PPP1R14C: variants seen among roughly 807,000 people sequenced by gnomAD.
PPP1R14C encodes protein phosphatase 1 regulatory inhibitor subunit 14C, also known as protein phosphatase 1 regulatory subunit 14C.
Under a neutral mutation model 20.4 loss-of-function variants are expected in PPP1R14C, and 16 were observed. The ratio of observed to expected loss-of-function variants is 0.78; its 90% CI spans 0.53 to 1.19. The LOEUF is 1.19. PPP1R14C is among the 50% of genes most tolerant of loss of function. The pLI is 0.00. For missense variants in PPP1R14C, 211 were observed against 220.1 expected, an observed-to-expected ratio of 0.96 and a Z score of 0.26; for synonymous variants, 91 against 91.0, an observed-to-expected ratio of 1.00 and a Z score of 0.00.
intron 3 of PPP1R14C, 78 bp from the exon 4 acceptor site, chr6:150,248,668 A>G: frequency 1.7e-5 from 16 of 937,690 alleles, no homozygotes; most frequent in Non-Finnish European, 2.8e-5. Flanking sequence ...TGCAGTTGAC[A>G]TCAATTACTT....
intron 3 of PPP1R14C, among the ~76,000 whole-genome samples, chr6:150,245,498 C>G (rs1180307748): frequency 6.6e-6 from 1 of 152,202 alleles, no homozygotes. Flanking sequence ...GGGACTTCCA[C>G]TTCCTTGCTT....
chr6:150,207,686 C>T (rs1413601666), intron 1 of PPP1R14C, among the ~76,000 whole-genome samples: 1 of 152,232 alleles, frequency 6.6e-6, no homozygotes, highest in Admixed American at 6.5e-5. Context: ...GGTTTTTTCT[C>T]TACTCTTGAT....
intron 1 of PPP1R14C, among the ~76,000 whole-genome samples, chr6:150,191,663 G>A (rs1777747995): frequency 1.3e-5 from 2 of 152,222 alleles, no homozygotes; most frequent in Non-Finnish European, 2.9e-5. Context: ...CTGCAATATA[G>A]TGTCAAGTCA....
At chr6:150,176,561 G>C (rs917173027) in intron 1 of PPP1R14C, among the ~76,000 whole-genome samples, 1 of 152,324 alleles carries the variant, frequency 6.6e-6, no homozygotes, top group East Asian at 1.9e-4. Flanking sequence ...TTATTTGAAG[G>C]AACTGCTGTT....
chr6:150,169,620 G>A (rs115821435), intron 1 of PPP1R14C, among the ~76,000 whole-genome samples: 1 of 152,314 alleles, frequency 6.6e-6, no homozygotes, highest in African/African-American at 2.4e-5. Context: ...TGAAGGCACA[G>A]GACAAGTGAA....
chr6:150,145,171 A>G (rs1582891378), intron 1 of PPP1R14C, among the ~76,000 whole-genome samples: 1 of 152,218 alleles, frequency 6.6e-6, no homozygotes, highest in East Asian at 1.9e-4. Context: ...TATTTAAAAA[A>G]TACTTCAGAA....
intron 1 of PPP1R14C, among the ~76,000 whole-genome samples, chr6:150,149,123 C>T (rs1483859098): frequency 1.3e-5 from 2 of 152,026 alleles, no homozygotes; most frequent in Non-Finnish European, 2.9e-5. Flanking sequence ...GGAAAGAAAA[C>T]TGCTTAACAC....
intron 1 of PPP1R14C, among the ~76,000 whole-genome samples, chr6:150,168,270 C>T (rs1405414450): frequency 1.3e-5 from 2 of 148,716 alleles, no homozygotes; most frequent in Non-Finnish European, 3.0e-5. Context: ...GGCGCGGTGG[C>T]TCACGCCTGT....
chr6:150,211,999 C>G (rs1778029033), intron 1 of PPP1R14C, among the ~76,000 whole-genome samples: 1 of 152,210 alleles, frequency 6.6e-6, no homozygotes, highest in Admixed American at 6.5e-5. Flanking sequence ...CTGGTAAAAC[C>G]AAGCTCAGGG....
At chr6:150,150,990 G>GA (rs1409468815) in intron 1 of PPP1R14C, among the ~76,000 whole-genome samples, 4 of 151,500 alleles carry the variant, frequency 2.6e-5, no homozygotes, top group African/African-American at 9.7e-5. Context: ...CTTCAGTGAT[G>GA]ACATTTCTCT....
chr6:150,144,748 G>C (rs1431259290), intron 1 of PPP1R14C, among the ~76,000 whole-genome samples: 1 of 152,218 alleles, frequency 6.6e-6, no homozygotes, highest in African/African-American at 2.4e-5. Flanking sequence ...ATAATATAAT[G>C]AAGCTTGACT....
At chr6:150,243,190 T>C (rs1778452387) in intron 3 of PPP1R14C, among the ~76,000 whole-genome samples, 1 of 151,158 alleles carries the variant, frequency 6.6e-6, no homozygotes, top group Admixed American at 6.6e-5. Context: ...TTTTTTTTTT[T>C]TTTGAGATGG....
chr6:150,167,940 T>TCCTCCCCCTTTCTCCCCTTCTCTCCTCCC (rs1777442066), intron 1 of PPP1R14C, among the ~76,000 whole-genome samples: 2 of 1,108 alleles, frequency 1.8e-3, no homozygotes, highest in Non-Finnish European at 1.9e-3. Flanking sequence ...TCTCCATGTC[T>TCCTCCCCCTTTCTCCCCTTCTCTCCTCCC]CCGTTCTCCC....
chr6:150,248,361 A>G (rs1166167929), intron 3 of PPP1R14C, among the ~76,000 whole-genome samples: 1 of 152,172 alleles, frequency 6.6e-6, no homozygotes, highest in African/African-American at 2.4e-5. Context: ...CCTGTGAGCT[A>G]GTTGGAAATG....
chr6:150,236,556 T>C (rs1024416020), intron 3 of PPP1R14C, among the ~76,000 whole-genome samples: 3 of 149,392 alleles, frequency 2.0e-5, no homozygotes, highest in Non-Finnish European at 3.0e-5. Context: ...ATCCAAAGAC[T>C]CAGAGGAGCC....
Position 150,248,738 on chromosome 6 carries a change from T to C in PPP1R14C, c.424-8T>C, listed in dbSNP as rs535968668. ...ACCCTCATATTAACTTCTTCTGATC[T>C]CTTTTAGGAATTTATCAAAGAGCTG... On this transcript the variant is annotated splice_polypyrimidine_tract_variant and splice_region_variant and intron_variant, in intron 3 of 3. Transcript: ENST00000361131. 2 of 1,598,310 alleles carry C rather than the reference T, an allele frequency of 1.3e-6. No individual in the cohort carries two copies. Among genetic ancestry groups the C allele is most frequent in the South Asian group, 2.2e-5 (2 of 90,218 alleles).
intron 1 of PPP1R14C, among the ~76,000 whole-genome samples, chr6:150,187,098 C>G (rs553745743): frequency 2.0e-5 from 3 of 152,046 alleles, no homozygotes; most frequent in East Asian, 1.9e-4. Context: ...GCGTCAGCCT[C>G]CTGGGTAGCT....
intron 3 of PPP1R14C, among the ~76,000 whole-genome samples, chr6:150,231,451 C>T (rs1304200600): frequency 6.6e-6 from 1 of 152,192 alleles, no homozygotes; most frequent in African/African-American, 2.4e-5. Flanking sequence ...CTTCATAGTT[C>T]CTGGGCCGGT....
At chr6:150,189,456 G>T (rs1582910036) in intron 1 of PPP1R14C, among the ~76,000 whole-genome samples, 2 of 152,164 alleles carry the variant, frequency 1.3e-5, no homozygotes, top group Admixed American at 1.3e-4. Context: ...CATTTCTCAG[G>T]GCCACTGTTA....
Sources: allele counts gnomAD v4.1 joint callset (sites outside exome capture counted in the v4.1 genomes callset), GRCh38; gene constraint gnomAD v4.1.1; transcripts MANE v1.5; gene names NCBI Gene and HGNC (gene_info 2026-07-23, HGNC 2026-07-21).